The following IGLL1 variants were observed in gnomAD, a reference collection of about 807,000 sequenced individuals.
IGLL1 encodes the protein immunoglobulin lambda-like polypeptide 1.
Under a neutral mutation model 10.5 loss-of-function variants are expected in IGLL1, and 10 were observed. The ratio of observed to expected loss-of-function variants is 0.95; its 90% CI spans 0.59 to 1.62. The LOEUF (loss-of-function observed/expected upper bound fraction) is 1.62. Among genes scored for constraint, IGLL1 ranks in the 40% most tolerant of loss-of-function variants. The pLI, the probability that IGLL1 is intolerant of heterozygous loss-of-function variation, is 0.00. For missense variants in IGLL1, 284 were observed against 278.7 expected (o/e 1.02, Z -0.14); for synonymous variants, 141 against 122.7 (o/e 1.15, Z -0.99).
At chr22:23,577,011 C>G (rs1351852035) in intron 1 of IGLL1, among the ~76,000 whole-genome samples, 1 of 152,154 alleles carries the variant, frequency 6.6e-6, no homozygotes, top group Non-Finnish European at 1.5e-5. Flanking sequence ...CCTTTTGTGT[C>G]TGGCTTATTT....
In IGLL1 at chr22:23,580,091, C is replaced by T; in HGVS notation, c.100G>A (p.Val34Ile). ...GTTGGGCGCAGCAGGCCATGGGTTA[C>T]CACGGCCAGACCCAGCAGCAGCAGG... Reference protein sequence around the residue: ...WPLLLLGLAVVTHGLLRPTAA... With the variant: ...WPLLLLGLAVITHGLLRPTAA... Residue 34 changes from valine to isoleucine, a missense_variant, in exon 1 of 3, where the codon GTA (valine) becomes ATA (isoleucine). By Grantham distance (29) the Val-to-Ile change is conservative. Transcript: ENST00000330377. 6.4e-7 allele frequency: 1 copy of T among 1,571,690 alleles called. No individual in the cohort carries two copies. Among genetic ancestry groups the T allele is most frequent in the South Asian group, 1.2e-5 (1 of 85,856 alleles).
rs1267674541 is a variant in IGLL1 at position 23,573,192 on chromosome 22, G to A, written c.*74C>T. The A allele has an allele frequency of 1.6e-5, 23 of 1,415,756 alleles. No individual in the cohort carries two copies. The East Asian group carries it at 4.5e-4, about 28-fold the overall frequency. The allele number at this position is 1,415,756 out of a possible 1,614,324, so 87.7% of individuals were successfully genotyped here. A position where few individuals can be genotyped will look rare whatever the true frequency, so the allele number is the denominator to read the frequency against. ...TACAGGGAGAAGGGCTGGATGGCTT[G>A]GGATGCAGAGAGAGACCCTTCCCCT... On this transcript the variant is annotated 3_prime_UTR_variant, in exon 3 of 3. Transcript: ENST00000330377.
intron 1 of IGLL1, among the ~76,000 whole-genome samples, chr22:23,576,896 C>T (rs144384990): frequency 6.6e-6 from 1 of 152,098 alleles, no homozygotes; most frequent in Admixed American, 6.5e-5. Context: ...CTACAGTCCC[C>T]CATTCTTCCC....
chr22:23,578,739 G>A (rs1469303947), intron 1 of IGLL1, among the ~76,000 whole-genome samples: 1 of 152,134 alleles, frequency 6.6e-6, no homozygotes, highest in Non-Finnish European at 1.5e-5. Context: ...TGGATCACCT[G>A]AGGTCAGGAG....
At chr22:23,576,906 C>T (rs1179907405) in intron 1 of IGLL1, among the ~76,000 whole-genome samples, 4 of 152,054 alleles carry the variant, frequency 2.6e-5, no homozygotes, top group East Asian at 3.9e-4. Flanking sequence ...CCATTCTTCC[C>T]TCCCCCTCAC....
In IGLL1 at chr22:23,573,266, C is replaced by G; in HGVS notation, c.642G>C (p.Ter214TyrextTer38). ...EKTVAPAECS[*>Y] ...TTTGGGTGGGGTCGGGGCTGGGAACCTATGAACATTCTGCAGGGGCCACCG... is the reference window on the plus strand; with the variant it reads ...TTTGGGTGGGGTCGGGGCTGGGAACGTATGAACATTCTGCAGGGGCCACCG... The change falls in exon 3 of 3, where the codon TAG (stop) becomes TAC (tyrosine). Residue 214 changes from the stop codon to tyrosine, a stop_lost. Coordinates refer to ENST00000330377, the MANE Select transcript of IGLL1 (RefSeq NM_020070.4). 1 of 1,614,052 alleles carries G rather than the reference C, an allele frequency of 6.2e-7. No individual in the cohort carries two copies. Among genetic ancestry groups the G allele is most frequent in the Non-Finnish European group, 8.5e-7 (1 of 1,179,978 alleles).
intron 1 of IGLL1, among the ~76,000 whole-genome samples, chr22:23,579,592 G>T (rs902348317): frequency 2.0e-5 from 3 of 151,806 alleles, no homozygotes; most frequent in Non-Finnish European, 4.4e-5. Context: ...AAAGAGGAGG[G>T]GGGGGAGGAG....
In IGLL1 at chr22:23,575,036, G is replaced by C; in HGVS notation, c.253C>G (p.Arg85Gly). 6.2e-7 allele frequency: 1 copy of C among 1,613,946 alleles called. No individual in the cohort carries two copies. The highest frequency in any genetic ancestry group is 8.5e-7 in the Non-Finnish European group (1 of 1,179,906). Residue 85 changes from arginine (R) to glycine (G), a missense_variant, in exon 2 of 3, where the codon CGG becomes GGG. Arg to Gly is a moderately radical substitution (Grantham distance 125). Transcript: ENST00000330377. ...GSWTGPRCWPRGFQSKHNSVT... is the reference protein window; with the variant it reads ...GSWTGPRCWPGGFQSKHNSVT... ...GAGTTATGCTTGGATTGAAACCCCC[G>C]GGGCCAGCACCTGGGGCCAGTCCAG...
rs548204574 is a variant in IGLL1, at chr22:23,577,762, C to G, written c.206+2223G>C. Among the ~76,000 whole-genome samples the G allele has an allele frequency of 1.4e-4, 21 of 152,140 alleles. No individual in the cohort carries two copies. In the South Asian group the frequency reaches 1.9e-3, roughly 14 times the overall value. On this transcript the variant is annotated intron_variant, in intron 1 of 2. Transcript: ENST00000330377. ...TGTTGCTCAGGCTGATCTCAAACTC[C>G]TGGGCTCAAACAATCCCGCCTCAGC... is the stretch of plus-strand genomic sequence containing the variant.
intron 1 of IGLL1, among the ~76,000 whole-genome samples, chr22:23,577,454 T>C (rs149773088): frequency 2.0e-5 from 3 of 151,848 alleles, no homozygotes; most frequent in East Asian, 1.9e-4. Flanking sequence ...ACAATGAAAA[T>C]ATCTTTTAAT....
Position 23,573,482 on chromosome 22 carries a change from C to T in IGLL1, c.426G>A (p.Pro142=), listed in dbSNP as rs560833188. ...TLVCLMNDFY[P]GILTVTWKAD... ...CCTTCCAGGTCACCGTCAAGATTCC[C>T]GGATAAAAGTCATTCATGAGACACA... is the stretch of plus-strand genomic sequence containing the variant. Residue 142 remains proline, a synonymous_variant, in exon 3 of 3, where the codon CCG becomes CCA. Transcript: ENST00000330377. 1.2e-5 allele frequency: 19 copies of T among 1,613,872 alleles called. No individual in the cohort carries two copies. Among genetic ancestry groups the T allele is most frequent in the Admixed American group, 6.7e-5 (4 of 60,008 alleles).
At chr22:23,577,670 G>T (rs896821097) in intron 1 of IGLL1, among the ~76,000 whole-genome samples, 1 of 151,052 alleles carries the variant, frequency 6.6e-6, no homozygotes, top group East Asian at 1.9e-4. Flanking sequence ...TAAGTAGCTG[G>T]GACCACAGGC....
intron 2 of IGLL1, among the ~76,000 whole-genome samples, chr22:23,574,013 C>T (rs1261222928): frequency 1.3e-5 from 2 of 151,762 alleles, no homozygotes; most frequent in African/African-American, 4.9e-5. Flanking sequence ...CAGGCTGTGC[C>T]CCAGCCTGGC....
chr22:23,574,079 GC>G (rs777723406), intron 2 of IGLL1, among the ~76,000 whole-genome samples: 1 of 151,170 alleles, frequency 6.6e-6, no homozygotes, highest in African/African-American at 2.5e-5. Context: ...CTGGGGCTCT[GC>G]CGTCGCCCCT....
In IGLL1 at chr22:23,573,585, C is replaced by G. The variant is rs1025960361; in HGVS notation, c.323G>C (p.Ser108Thr). 3 of 1,612,776 alleles carry G rather than the reference C, an allele frequency of 1.9e-6. No individual in the cohort carries two copies. The highest frequency in any genetic ancestry group is 2.5e-6 in the Non-Finnish European group (3 of 1,178,932). ...FGSGTQLTVL[S>T]QPKATPSVTL... ...GACCGAGGGGGTGGCCTTGGGCTGACCTGTGTGGACAGAGGAGGGGGTGAG... is the reference window on the plus strand; with the variant it reads ...GACCGAGGGGGTGGCCTTGGGCTGAGCTGTGTGGACAGAGGAGGGGGTGAG... Residue 108 changes from serine to threonine, a missense_variant and splice_region_variant, in exon 3 of 3, where the codon AGT (serine) becomes ACT (threonine). Physicochemically the swap from Ser to Thr is moderately conservative, Grantham distance 58. Transcript: ENST00000330377.
chr22:23,577,040 C>G (rs1925094565), intron 1 of IGLL1, among the ~76,000 whole-genome samples: 1 of 152,162 alleles, frequency 6.6e-6, no homozygotes, highest in Non-Finnish European at 1.5e-5. Context: ...ATAATGTCTT[C>G]AGGTTTCATC....
At position 23,580,187 on chromosome 22, in the gene IGLL1, T is replaced by C; in HGVS notation, c.4A>G (p.Arg2Gly). Residue 2 changes from arginine (R) to glycine (G), a missense_variant, in exon 1 of 3, where the codon AGG (arginine) becomes GGG (glycine). Physicochemically the swap from Arg to Gly is moderately radical, Grantham distance 125 (BLOSUM62 -2). Transcript: ENST00000330377. MRPGTGQGGLEA... is the reference protein window; with the variant it reads MGPGTGQGGLEA... ...AGGCCCCCCTGGCCTGTCCCTGGCC[T>C]CATCGGCCCTCAGGGTCAGAGGTCC... 6.5e-7 allele frequency: 1 copy of C among 1,539,044 alleles called. No individual in the cohort carries two copies. The highest frequency in any genetic ancestry group is 1.4e-5 in the African/African-American group (1 of 73,296).
At chr22:23,575,180 G>T (rs1925000016) in intron 1 of IGLL1, 98 bp from the exon 2 acceptor site, 1 of 849,960 alleles carries the variant, frequency 1.2e-6, no homozygotes, top group Middle Eastern at 2.2e-4. Context: ...CCCCAGTAGT[G>T]TCTCTGTGCC....
intron 1 of IGLL1, among the ~76,000 whole-genome samples, chr22:23,578,032 C>CG (rs199759643): frequency 0.02 from 3,027 of 152,010 alleles, 51 homozygotes; most frequent in Non-Finnish European, 0.031. Flanking sequence ...TATAGGCTCG[C>CG]GCCACCACGC....
Sources: allele counts gnomAD v4.1 joint callset (sites outside exome capture counted in the v4.1 genomes callset), GRCh38; gene constraint gnomAD v4.1.1; transcripts MANE v1.5; gene names NCBI Gene and HGNC (gene_info 2026-07-23, HGNC 2026-07-21).